FOXP2: variants seen among roughly 807,000 people sequenced by gnomAD.
FOXP2 encodes forkhead box protein P2.
FOXP2 carries 12 observed loss-of-function variants against 115.8 expected under a neutral mutation model. The observed-to-expected ratio is 0.10, with a 90% CI of 0.07 to 0.17. FOXP2 has a LOEUF of 0.17. Ranked by LOEUF, FOXP2 falls within the 10% of genes least tolerant of loss-of-function variation. The pLI, the probability that FOXP2 is intolerant of heterozygous loss-of-function variation, is 1.00. For missense variants in FOXP2, 629 were observed against 843.5 expected (o/e 0.75, Z 3.15); for synonymous variants, 328 against 297.7 (o/e 1.10, Z -1.05).
chr7:114,557,714 G>A (rs1447336917), intron 3 of FOXP2, among the ~76,000 whole-genome samples: 1 of 151,998 alleles, frequency 6.6e-6, no homozygotes, highest in Admixed American at 6.6e-5. Context: ...ATGCAATTCA[G>A]ATAAGTTATA....
intron 7 of FOXP2, 92 bp downstream of exon 7, chr7:114,642,715 C>A: frequency 9.3e-7 from 1 of 1,075,970 alleles, no homozygotes; most frequent in Non-Finnish European, 1.4e-6. Flanking sequence ...GTACTTGGAG[C>A]AAGGACAAAA....
chr7:114,477,795 A>G (rs577375204), intron 2 of FOXP2, among the ~76,000 whole-genome samples: 1 of 151,956 alleles, frequency 6.6e-6, no homozygotes, highest in Non-Finnish European at 1.5e-5. Flanking sequence ...GAATTATACA[A>G]AGATAATTTC....
intron 2 of FOXP2, among the ~76,000 whole-genome samples, chr7:114,444,166 G>T (rs1044001014): frequency 2.0e-5 from 3 of 152,124 alleles, no homozygotes; most frequent in African/African-American, 7.2e-5. Flanking sequence ...CAAGTGATTA[G>T]TGATCACTGT....
At chr7:114,645,128 TAATATATATATA>T (rs1240264181) in intron 8 of FOXP2, 1 of 84,712 alleles carries the variant, frequency 1.2e-5, no homozygotes, top group South Asian at 4.0e-4. Context: ...TGAGTCATCC[TAATATATATATA>T]TATATATATA....
At chr7:114,320,757 T>C (rs1797400593) in intron 2 of FOXP2, among the ~76,000 whole-genome samples, 1 of 152,140 alleles carries the variant, frequency 6.6e-6, no homozygotes, top group Admixed American at 6.5e-5. Flanking sequence ...ACACAAAATA[T>C]ACGGCCCCTC....
chr7:114,573,975 A>T (rs1031154380), intron 3 of FOXP2, among the ~76,000 whole-genome samples: 2 of 151,724 alleles, frequency 1.3e-5, no homozygotes, highest in African/African-American at 2.4e-5. Flanking sequence ...ATATTTTTTC[A>T]TAGGGTTTTT....
chr7:114,674,342 A>G (rs533391549), intron 16 of FOXP2, among the ~76,000 whole-genome samples: 3 of 152,358 alleles, frequency 2.0e-5, no homozygotes, highest in African/African-American at 7.2e-5. Context: ...TACAGTTAAT[A>G]TGGAATGCAG....
Position 114,397,919 on chromosome 7 carries a change from G to C in FOXP2, c.-10-28583G>C, listed in dbSNP as rs189934683. On this transcript the variant is annotated intron_variant, in intron 2 of 17. Transcript: ENST00000634411. ...TGATCCATTGGAAGATTTGGAGTTT[G>C]AATTGAAATGATATTCCAGCAGTTT... Among the ~76,000 whole-genome samples, 227 of 152,250 alleles carry C rather than the reference G, an allele frequency of 1.5e-3. 1 individual carries two copies. Among genetic ancestry groups the C allele is most frequent in the African/African-American group, 5.2e-3 (215 of 41,556 alleles).
At position 114,642,583 on chromosome 7, in the gene FOXP2, G is replaced by C. The variant is rs769218331; in HGVS notation, c.949G>C (p.Val317Leu). 59 of 1,613,532 alleles carry C rather than the reference G, an allele frequency of 3.7e-5. No individual in the cohort carries two copies. Among genetic ancestry groups the C allele is most frequent in the Non-Finnish European group, 4.7e-5 (56 of 1,179,914 alleles). The change falls in exon 7 of 17, where the codon GTG becomes CTG. Residue 317 changes from valine to leucine, a missense_variant. Physicochemically the swap from Val to Leu is conservative, Grantham distance 32 (BLOSUM62 1). Transcript: ENST00000350908. ...ACCACCAATAACTCATCATTCCATAGTGAATGGACAGTCTTCAGTTCTAAG... is the reference window on the plus strand; with the variant it reads ...ACCACCAATAACTCATCATTCCATACTGAATGGACAGTCTTCAGTTCTAAG... ...ASPPITHHSI[V>L]NGQSSVLSAR...
At chr7:114,086,456 G>C, upstream of FOXP2, 1 of 342,902 alleles carries the variant, frequency 2.9e-6, no homozygotes, top group Non-Finnish European at 5.7e-6. Flanking sequence ...CGCGTCCGCT[G>C]GCTGCGGCTT....
intron 2 of FOXP2, among the ~76,000 whole-genome samples, chr7:114,382,146 G>C (rs1562896011): frequency 6.6e-6 from 1 of 152,330 alleles, no homozygotes; most frequent in African/African-American, 2.4e-5. Flanking sequence ...AGTATCTAGT[G>C]ACTGGCTGTC....
At chr7:114,413,721 A>G (rs548411317), upstream of FOXP2, among the ~76,000 whole-genome samples, 2 of 152,248 alleles carry the variant, frequency 1.3e-5, no homozygotes, top group South Asian at 2.1e-4. Flanking sequence ...TATTTTAAGT[A>G]CTTCTTTATA....
At chr7:114,537,609 A>AT (rs1562984411) in intron 3 of FOXP2, among the ~76,000 whole-genome samples, 1 of 151,474 alleles carries the variant, frequency 6.6e-6, no homozygotes, top group Non-Finnish European at 1.5e-5. Context: ...ATCTACTATT[A>AT]TTTTTTCATT....
chr7:114,397,312 A>G (rs568857908), intron 2 of FOXP2, among the ~76,000 whole-genome samples: 2 of 152,332 alleles, frequency 1.3e-5, no homozygotes, highest in African/African-American at 4.8e-5. Context: ...ACCGATCACT[A>G]TACTAGGAAT....
intron 6 of FOXP2, among the ~76,000 whole-genome samples, chr7:114,638,087 A>T (rs1805321413): frequency 6.6e-6 from 1 of 152,182 alleles, no homozygotes; most frequent in East Asian, 1.9e-4. Flanking sequence ...AGTTTTGAAC[A>T]TGGAAAGTTT....
chr7:114,569,448 A>C (rs1025093470), intron 3 of FOXP2, among the ~76,000 whole-genome samples: 2 of 151,972 alleles, frequency 1.3e-5, no homozygotes, highest in African/African-American at 4.8e-5. Context: ...AAGAAGAGAA[A>C]ATTGGAGTTA....
intron 1 of FOXP2, among the ~76,000 whole-genome samples, chr7:114,199,834 A>T (rs1267774112): frequency 6.6e-6 from 1 of 152,166 alleles, no homozygotes; most frequent in Non-Finnish European, 1.5e-5. Flanking sequence ...ACCACAGGAG[A>T]TTGCAGGAAT....
At chr7:114,234,904 A>T (rs1479495667) in intron 1 of FOXP2, among the ~76,000 whole-genome samples, 1 of 152,038 alleles carries the variant, frequency 6.6e-6, no homozygotes, top group African/African-American at 2.4e-5. Flanking sequence ...GCTCACTCCT[A>T]GTCATCTCCA....
intron 2 of FOXP2, among the ~76,000 whole-genome samples, chr7:114,531,354 A>G (rs988628231): frequency 6.6e-6 from 1 of 151,904 alleles, no homozygotes; most frequent in African/African-American, 2.4e-5. Context: ...TTTTATATTG[A>G]TGGAAGTGTT....
Sources: allele counts gnomAD v4.1 joint callset (sites outside exome capture counted in the v4.1 genomes callset), GRCh38; gene constraint gnomAD v4.1.1; transcripts MANE v1.5; gene names NCBI Gene and HGNC (gene_info 2026-07-23, HGNC 2026-07-21).